Variants in BAIAP3 observed in about 807,000 individuals in gnomAD.
BAIAP3 encodes the protein BAI1 associated protein 3, also known as BAI1-associated protein 3.
Under a neutral mutation model 149.7 loss-of-function variants are expected in BAIAP3, and 180 were observed. The ratio of observed to expected loss-of-function variants is 1.20; its 90% CI spans 1.07 to 1.36. The LOEUF is 1.36. Among genes scored for constraint, BAIAP3 ranks in the 40% most tolerant of loss-of-function variants. The pLI is 0.00. For synonymous variants in BAIAP3, 845 were observed against 670.7 expected, an observed-to-expected ratio of 1.26 and a Z score of -4.02; for missense variants, 1,767 against 1,563.4, an observed-to-expected ratio of 1.13 and a Z score of -2.20.
chr16:1,340,492 C>T lies in BAIAP3; in HGVS notation c.409-430C>T, dbSNP rs369273114. Among the ~76,000 whole-genome samples the T allele has an allele frequency of 4.3e-4, 65 of 150,498 alleles. No homozygotes were observed. In the East Asian group the frequency reaches 7.5e-3, roughly 17 times the overall value. On this transcript the variant is annotated intron_variant, in intron 5 of 33. Coordinates refer to ENST00000426824, the MANE Select transcript of BAIAP3 (RefSeq NM_001199097.2). ...CACACGCACACAGGCTGCAGGTGTA[C>T]ACAGACACACGCACACAGGCTGCAG...
At chr16:1,335,527 T>G (rs1485519942) in intron 1 of BAIAP3, among the ~76,000 whole-genome samples, 1 of 152,232 alleles carries the variant, frequency 6.6e-6, no homozygotes, top group Non-Finnish European at 1.5e-5. Context: ...AGGCAGCCAG[T>G]GCTTCCTGTA....
Position 1,341,154 on chromosome 16 carries a change from C to CT in BAIAP3, c.495dup (p.Val166CysfsTer82), listed in dbSNP as rs1349076623. On this transcript the variant is annotated frameshift_variant, in exon 7 of 34. Transcript: ENST00000426824. LOFTEE classifies it high-confidence loss of function. Reference sequence around the variant, plus strand: ...GCCCCCACGTATGCCCTGAAAGTCTCTGTCATGCGTGCCAAGAACCTTCTG... The same window carrying CT: ...GCCCCCACGTATGCCCTGAAAGTCTCTTGTCATGCGTGCCAAGAACCTTCTG... 6.2e-7 allele frequency: 1 copy of CT among 1,612,734 alleles called. No individual in the cohort carries two copies. The highest frequency in any genetic ancestry group is 1.7e-5 in the Admixed American group (1 of 59,998).
rs2033945484 is a variant in BAIAP3 at position 1,341,844 on chromosome 16, G to A, written c.754G>A (p.Asp252Asn). 2 of 1,612,448 alleles carry A rather than the reference G, an allele frequency of 1.2e-6. No homozygotes were observed. The highest frequency in any genetic ancestry group is 1.3e-5 in the African/African-American group (1 of 75,024). Residue 252 changes from aspartate (D) to asparagine (N), a missense_variant, in exon 9 of 34, where the codon GAC becomes AAC. Physicochemically the swap from Asp to Asn is conservative, Grantham distance 23. Coordinates refer to ENST00000426824, the MANE Select transcript of BAIAP3 (RefSeq NM_001199097.2). ...TAGCGAGATTGAGGATGTGAGCACG[G>A]ACCAGCTGCACCTGGACATCTGGTA... The part of the protein sequence containing the change: ...FLFEIEDVST[D>N]QLHLDIWDHD...
intron 14 of BAIAP3, 44 bp downstream of exon 14, chr16:1,343,060 G>T: frequency 1.3e-6 from 2 of 1,560,186 alleles, no homozygotes; most frequent in South Asian, 1.1e-5. Context: ...GTGGGCGGGC[G>T]TGAGCGAGTG....
chr16:1,335,463 G>GC (rs61447590), intron 1 of BAIAP3, among the ~76,000 whole-genome samples: 1 of 51,468 alleles, frequency 1.9e-5, no homozygotes, highest in East Asian at 5.0e-3. Flanking sequence ...CGGGAAAGAC[G>GC]GGGGGTCCCC....
Position 1,344,919 on chromosome 16 carries a change from G to T in BAIAP3, c.1810-50G>T, listed in dbSNP as rs750340813. 2.5e-6 allele frequency: 4 copies of T among 1,613,552 alleles called. No individual in the cohort carries two copies. The Admixed American group carries it at 5.0e-5, about 20-fold the overall frequency. On this transcript the variant is annotated intron_variant, in intron 20 of 33. Coordinates refer to ENST00000426824, the MANE Select transcript of BAIAP3 (RefSeq NM_001199097.2). Reference sequence around the variant, plus strand: ...GTGGGCAGATGCCCTTGGCTAGGACGGTCCTGGGATTCCTTGCTGCTGGAG... The same window carrying T: ...GTGGGCAGATGCCCTTGGCTAGGACTGTCCTGGGATTCCTTGCTGCTGGAG...
At chr16:1,346,798 C>G in intron 27 of BAIAP3, 49 bp from the exon 28 acceptor site, 1 of 374,568 alleles carries the variant, frequency 2.7e-6, no homozygotes, top group Non-Finnish European at 4.0e-6. Flanking sequence ...GCAGGTGGGG[C>G]CAGCGGGGCA....
chr16:1,344,169 G>C, intron 16 of BAIAP3, 23 bp downstream of exon 16: 2 of 1,612,168 alleles, frequency 1.2e-6, no homozygotes, highest in Non-Finnish European at 1.7e-6. Flanking sequence ...CCGCGTGTCA[G>C]CGTGGGTGGG....
rs769574111 is a variant in BAIAP3 at position 1,341,200 on chromosome 16, G to A, written c.535+5G>A. ...TTCTGGCCAAGGACCCCAACGGTGA[G>A]TGGGGACCCAGCAGACCTCGGCTGC... On this transcript the variant is annotated splice_donor_5th_base_variant and intron_variant, in intron 7 of 33. Transcript: ENST00000426824. The A allele has an allele frequency of 5.0e-6, 8 of 1,612,246 alleles. No individual in the cohort carries two copies. The highest frequency in any genetic ancestry group is 4.5e-5 in the East Asian group (2 of 44,870).
chr16:1,344,777 G>C lies in BAIAP3; in HGVS notation c.1758-21G>C, dbSNP rs2034197135. ...CTGCAGGTGGGGCGCAGGTGGATGA[G>C]GTGTGTCCCTTGCTCTGCAGCATCC... On this transcript the variant is annotated intron_variant, in intron 19 of 33. Transcript: ENST00000426824. 1.9e-6 allele frequency: 3 copies of C among 1,613,660 alleles called. No homozygotes were observed. In the Admixed American group the frequency reaches 5.0e-5, roughly 27 times the overall value.
intron 5 of BAIAP3, 112 bp from the exon 6 acceptor site, chr16:1,340,810 C>A (rs577291097): frequency 2.1e-5 from 24 of 1,164,346 alleles, no homozygotes; most frequent in Non-Finnish European, 3.0e-5. Context: ...ACCCTGCACC[C>A]GTGAGGACTG....
chr16:1,336,301 G>A (rs749272119), intron 1 of BAIAP3: 2 of 985,424 alleles, frequency 2.0e-6, no homozygotes, highest in Non-Finnish European at 2.4e-6. Context: ...ACTGGCTGTG[G>A]GGGTGACAGC....
chr16:1,345,211 T>C lies in BAIAP3; in HGVS notation c.1941-38T>C, dbSNP rs2272973. ...CCTGGAACGTGCTGGTTAAGGTGTC[T>C]GAGTCAGGGCCGAGCCCTCACAACC... On this transcript the variant is annotated intron_variant, in intron 21 of 33. Transcript: ENST00000426824. 9 of 1,610,432 alleles carry C rather than the reference T, an allele frequency of 5.6e-6. No homozygotes were observed. The East Asian group carries it at 2.0e-4, about 36-fold the overall frequency.
rs200298612 is a variant in BAIAP3 at position 1,344,593 on chromosome 16, C to T, written c.1660-8C>T. 6.6e-5 allele frequency: 107 copies of T among 1,612,808 alleles called. No homozygotes were observed. Among genetic ancestry groups the T allele is most frequent in the Non-Finnish European group, 8.2e-5 (97 of 1,180,022 alleles). On this transcript the variant is annotated splice_polypyrimidine_tract_variant and splice_region_variant and intron_variant, in intron 18 of 33. Coordinates refer to ENST00000426824, the MANE Select transcript of BAIAP3 (RefSeq NM_001199097.2). The stretch of plus-strand genomic sequence containing the variant: ...CGAGAGGTGGGTACGAGCTAGGCTT[C>T]CTTGCAGCCAGGACCACAGCGCCTG...
intron 16 of BAIAP3, 29 bp downstream of exon 16, chr16:1,344,175 G>C (rs750840200): frequency 6.2e-6 from 10 of 1,612,130 alleles, no homozygotes; most frequent in Non-Finnish European, 8.5e-6. Context: ...GTCAGCGTGG[G>C]TGGGGGCGGC....
Position 1,342,924 on chromosome 16 carries a change from C to G in BAIAP3, c.1173C>G (p.Ser391Arg). The G allele has an allele frequency of 6.2e-7, 1 of 1,612,256 alleles. No homozygotes were observed. The highest frequency in any genetic ancestry group is 8.5e-7 in the Non-Finnish European group (1 of 1,179,986). Residue 391 changes from serine to arginine, a missense_variant, in exon 14 of 34, where the codon AGC becomes AGG. By Grantham distance (110) the Ser-to-Arg change is moderately radical. Transcript: ENST00000426824. Reference protein sequence around the residue: ...LEHSAEEPNSSSWRGELSTPA... With the variant: ...LEHSAEEPNSRSWRGELSTPA... ...ACCTCCTCCCCCAGCCCAACTCCAG[C>G]AGCTGGCGAGGAGAGCTCAGCACAC...
At chr16:1,337,785 CG>C (rs1257348105) in intron 1 of BAIAP3, among the ~76,000 whole-genome samples, 2 of 152,220 alleles carry the variant, frequency 1.3e-5, no homozygotes, top group Non-Finnish European at 2.9e-5. Context: ...CCCCTACACC[CG>C]GCATTTTCCA....
chr16:1,336,924 C>G (rs947818942), intron 1 of BAIAP3, among the ~76,000 whole-genome samples: 1 of 152,106 alleles, frequency 6.6e-6, no homozygotes, highest in Non-Finnish European at 1.5e-5. Context: ...GCCAGGACCC[C>G]GGGGGGCTGG....
At chr16:1,339,992 T>TGCACACGCACACAGGCTGCAGGTGCAC (rs2033776735) in intron 5 of BAIAP3, among the ~76,000 whole-genome samples, 1 of 131,302 alleles carries the variant, frequency 7.6e-6, no homozygotes, top group Non-Finnish European at 1.6e-5. Context: ...TGCAGGTGCA[T>TGCACACGCACACAGGCTGCAGGTGCAC]ACAGATGCAC....
Sources: gnomAD v4.1 joint callset for allele counts (sites outside exome capture counted in the v4.1 genomes callset) on GRCh38, gnomAD v4.1.1 for gene constraint, MANE v1.5 for transcripts, NCBI Gene and HGNC (gene_info 2026-07-23, HGNC 2026-07-21) for gene names.